Variants in CTIF observed in about 807,000 individuals in gnomAD.
The protein encoded by CTIF is cap binding complex dependent translation initiation factor.
Under a neutral mutation model 66.0 loss-of-function variants are expected in CTIF, and 21 were observed. The ratio of observed to expected loss-of-function variants is 0.32; its 90% CI spans 0.23 to 0.46. The LOEUF (loss-of-function observed/expected upper bound fraction) is 0.46, where lower values mean the gene tolerates loss of function less well. Among genes scored for constraint, CTIF ranks in the 20% least tolerant of loss-of-function variants. The pLI, the probability that CTIF is intolerant of heterozygous loss-of-function variation, is 1.00. For synonymous variants in CTIF, 345 were observed against 326.4 expected (o/e 1.06, Z -0.62); for missense variants, 739 against 812.7 (o/e 0.91, Z 1.10).
chr18:48,824,029 A>C (rs910764456), intron 10 of CTIF, among the ~76,000 whole-genome samples: 1 of 146,674 alleles, frequency 6.8e-6, no homozygotes, highest in African/African-American at 2.5e-5. Flanking sequence ...GCTAGAACTA[A>C]TAAATGAATT....
chr18:48,758,219 G>A lies in CTIF; in HGVS notation c.885G>A (p.Glu295=), dbSNP rs1181309261. 1 of 1,613,168 alleles carries A rather than the reference G, an allele frequency of 6.2e-7. No individual in the cohort carries two copies. ...GGGACACCGGGCACAGCAGCCTTGA[G>A]GCCCCCCGCAGCCCTGACACCCTGG... ...TAGDTGHSSL[E]APRSPDTLAP... The change falls in exon 8 of 12, where the codon GAG becomes GAA. Residue 295 remains glutamate, a synonymous_variant. Coordinates refer to ENST00000256413, the MANE Select transcript of CTIF (RefSeq NM_014772.3).
intron 9 of CTIF, among the ~76,000 whole-genome samples, chr18:48,786,627 G>A (rs1372245795): frequency 6.6e-6 from 1 of 152,220 alleles, no homozygotes; most frequent in Non-Finnish European, 1.5e-5. Flanking sequence ...TCATTGCTGA[G>A]CAGAAACTCG....
At chr18:48,729,211 A>G (rs997728254) in intron 7 of CTIF, among the ~76,000 whole-genome samples, 5 of 152,138 alleles carry the variant, frequency 3.3e-5, no homozygotes, top group African/African-American at 9.7e-5. Flanking sequence ...CCTCTTACCC[A>G]GGGGGTCCAG....
In CTIF at chr18:48,862,677, A is replaced by G. The variant is rs921741848; in HGVS notation, c.*3118A>G. On this transcript the variant is annotated 3_prime_UTR_variant, in exon 12 of 12. Coordinates refer to ENST00000256413, the MANE Select transcript of CTIF (RefSeq NM_014772.3). ...TTCTGATTGATTTTTATTTTATTCT[A>G]TTATTTTCTCCGAGGGATGAGGGTG... The G allele has an allele frequency of 4.0e-5, 6 of 150,054 alleles. No individual in the cohort carries two copies. Among genetic ancestry groups the G allele is most frequent in the African/African-American group, 1.5e-4 (6 of 39,282 alleles). 9.3% of individuals were successfully genotyped at this position (150,054 alleles called of 1,614,324 possible).
Position 48,730,277 on chromosome 18 carries a change from T to C in CTIF, c.584+18582T>C, listed in dbSNP as rs531408874. Among the ~76,000 whole-genome samples, 85 of 128,228 alleles carry C rather than the reference T, an allele frequency of 6.6e-4. 1 individual carries two copies. Among genetic ancestry groups the C allele is most frequent in the African/African-American group, 2.6e-3 (84 of 32,394 alleles). 84.1% of individuals were successfully genotyped at this position (128,228 alleles called of 152,430 possible). A position where few individuals can be genotyped will look rare whatever the true frequency, so the allele number is the denominator to read the frequency against. ...GAGGGGCCCCCGCAGTGTGAGGGCC[T>C]CCTGGGGTGTGAGGGGCCCCTGAGG... On this transcript the variant is annotated intron_variant, in intron 7 of 11. Coordinates refer to ENST00000256413, the MANE Select transcript of CTIF (RefSeq NM_014772.3).
At chr18:48,829,355 G>A (rs1378847733) in intron 10 of CTIF, among the ~76,000 whole-genome samples, 1 of 152,130 alleles carries the variant, frequency 6.6e-6, no homozygotes, top group African/African-American at 2.4e-5. Flanking sequence ...CTGAGTGCAG[G>A]TCTGGTTGGG....
intron 9 of CTIF, among the ~76,000 whole-genome samples, chr18:48,775,971 C>T (rs1910632781): frequency 6.6e-6 from 1 of 152,224 alleles, no homozygotes; most frequent in Non-Finnish European, 1.5e-5. Context: ...TGCTTCTTGC[C>T]ATTTCAGGCC....
intron 6 of CTIF, among the ~76,000 whole-genome samples, chr18:48,692,314 AAAAC>A (rs201344484): frequency 0.094 from 13,766 of 145,780 alleles, 1,775 homozygotes; most frequent in African/African-American, 0.31. Flanking sequence ...AACAAAAACA[AAAAC>A]AAAACAAAAA....
intron 6 of CTIF, among the ~76,000 whole-genome samples, chr18:48,702,809 G>C (rs969131248): frequency 6.6e-6 from 1 of 152,066 alleles, no homozygotes; most frequent in African/African-American, 2.4e-5. Flanking sequence ...GTGCAGCCTA[G>C]AGATTCCAGG....
At chr18:48,776,175 G>A (rs1356402923) in intron 9 of CTIF, among the ~76,000 whole-genome samples, 3 of 152,232 alleles carry the variant, frequency 2.0e-5, no homozygotes, top group Non-Finnish European at 4.4e-5. Flanking sequence ...TCTGAGGCCA[G>A]AAGATACCCG....
intron 9 of CTIF, among the ~76,000 whole-genome samples, chr18:48,790,442 A>G (rs2067766372): frequency 6.6e-6 from 1 of 152,248 alleles, no homozygotes; most frequent in Non-Finnish European, 1.5e-5. Context: ...GACAGCCAGC[A>G]GGCATGAGTC....
Position 48,813,826 on chromosome 18 carries a change from CTTAAAGGACACAGCAT to C in CTIF, c.1372-3392_1372-3377del, listed in dbSNP as rs1443203753. Among the ~76,000 whole-genome samples the C allele has an allele frequency of 3.3e-5, 5 of 152,366 alleles. No homozygotes were observed. The East Asian group carries it at 5.8e-4, about 18-fold the overall frequency. On this transcript the variant is annotated intron_variant, in intron 9 of 11. Transcript: ENST00000256413. ...AGGGCTTTGCCTGAGAGCACCATCC[CTTAAAGGACACAGCAT>C]TTCACCCAGTCTCCTCCTGCCCCTG...
At chr18:48,628,523 T>C (rs2090643342) in intron 2 of CTIF, among the ~76,000 whole-genome samples, 1 of 152,192 alleles carries the variant, frequency 6.6e-6, no homozygotes. Context: ...TTAAGCTTCC[T>C]GAGGCCACAC....
chr18:48,788,356 G>A (rs1911907915), intron 9 of CTIF, among the ~76,000 whole-genome samples: 1 of 152,134 alleles, frequency 6.6e-6, no homozygotes, highest in Non-Finnish European at 1.5e-5. Flanking sequence ...AACATTTCAG[G>A]CCAGAATTCC....
At chr18:48,715,043 G>C (rs2092266354) in intron 7 of CTIF, among the ~76,000 whole-genome samples, 1 of 152,198 alleles carries the variant, frequency 6.6e-6, no homozygotes, top group Non-Finnish European at 1.5e-5. Flanking sequence ...AACCCGGAAA[G>C]CCTTGCCCTG....
At chr18:48,833,894 C>T (rs2068749291) in intron 10 of CTIF, among the ~76,000 whole-genome samples, 3 of 152,214 alleles carry the variant, frequency 2.0e-5, no homozygotes, top group Non-Finnish European at 2.9e-5. Context: ...ACCCTCAAAG[C>T]AACTGTGCAA....
chr18:48,815,829 GTC>G (rs2068351189), intron 9 of CTIF, among the ~76,000 whole-genome samples: 1 of 151,930 alleles, frequency 6.6e-6, no homozygotes, highest in Non-Finnish European at 1.5e-5. Flanking sequence ...AATGCTCTGA[GTC>G]ACATTCTACA....
intron 6 of CTIF, among the ~76,000 whole-genome samples, chr18:48,695,899 G>T (rs73445589): frequency 0.094 from 14,325 of 152,244 alleles, 1,900 homozygotes; most frequent in African/African-American, 0.3. Context: ...TGCCATTGTT[G>T]GGCTGTCTCC....
chr18:48,547,826 C>T (rs1048284869), intron 1 of CTIF, among the ~76,000 whole-genome samples: 5 of 152,184 alleles, frequency 3.3e-5, no homozygotes, highest in Admixed American at 6.5e-5. Flanking sequence ...GCTGCATAGG[C>T]GCAGTCTGTG....
Sources: allele counts gnomAD v4.1 joint callset (sites outside exome capture counted in the v4.1 genomes callset), GRCh38; gene constraint gnomAD v4.1.1; transcripts MANE v1.5; gene names NCBI Gene and HGNC (gene_info 2026-07-23, HGNC 2026-07-21).